The following APBB2 variants were observed in gnomAD, a reference collection of about 807,000 sequenced individuals.
APBB2 encodes the protein amyloid beta precursor protein binding family B member 2, also known as Fe65-like 1.
In APBB2, 38 loss-of-function variants were observed where a neutral mutation model predicts 82.5. That is an observed-to-expected ratio of 0.46 (90% CI 0.36 to 0.60). The LOEUF (loss-of-function observed/expected upper bound fraction) is 0.60. APBB2 is among the 20% of genes least tolerant of loss of function. The probability of loss-of-function intolerance (pLI) is 0.00; values close to 1 mark genes in which losing one functional copy is unlikely to be tolerated. For synonymous variants in APBB2, 341 were observed against 368.2 expected (o/e 0.93, Z 0.85); for missense variants, 772 against 972.3 (o/e 0.79, Z 2.74).
intron 6 of APBB2, among the ~76,000 whole-genome samples, chr4:40,971,262 G>A (rs1318124754): frequency 6.6e-6 from 1 of 152,128 alleles, no homozygotes; most frequent in African/African-American, 2.4e-5. Context: ...AACATACTGA[G>A]AAACAAACCA....
chr4:41,209,947 G>T (rs774929898), intron 1 of APBB2, among the ~76,000 whole-genome samples: 1 of 152,150 alleles, frequency 6.6e-6, no homozygotes, highest in African/African-American at 2.4e-5. Context: ...ATTTTTCCAC[G>T]GATGGGGTTG....
At chr4:40,849,725 CTTT>C (rs758207803) in intron 12 of APBB2, among the ~76,000 whole-genome samples, 5 of 123,230 alleles carry the variant, frequency 4.1e-5, no homozygotes, top group African/African-American at 3.1e-5. Context: ...ACTAAAGTTA[CTTT>C]TTTTTTTTTT....
intron 6 of APBB2, among the ~76,000 whole-genome samples, chr4:40,950,893 ATAAAT>A (rs1473100337): frequency 6.6e-6 from 1 of 152,210 alleles, no homozygotes; most frequent in Non-Finnish European, 1.5e-5. Context: ...AAGACAATGA[ATAAAT>A]TACAGCAGAA....
At chr4:40,871,946 T>C (rs1165549341) in intron 12 of APBB2, among the ~76,000 whole-genome samples, 1 of 152,172 alleles carries the variant, frequency 6.6e-6, no homozygotes, top group Non-Finnish European at 1.5e-5. Context: ...TCTAGTACAA[T>C]GAATATATGC....
intron 1 of APBB2, among the ~76,000 whole-genome samples, chr4:41,148,305 A>C (rs904095942): frequency 2.0e-5 from 3 of 152,212 alleles, no homozygotes; most frequent in African/African-American, 7.2e-5. Flanking sequence ...GGATGAAGAA[A>C]TTAACAGATT....
chr4:40,981,472 C>T (rs1280401451), intron 6 of APBB2, among the ~76,000 whole-genome samples: 2 of 152,162 alleles, frequency 1.3e-5, no homozygotes, highest in Non-Finnish European at 2.9e-5. Context: ...GAAAATGAAT[C>T]AGTGTTGTTA....
At chr4:40,873,341 T>A (rs541874371) in intron 12 of APBB2, among the ~76,000 whole-genome samples, 167 of 152,272 alleles carry the variant, frequency 1.1e-3, no homozygotes, top group African/African-American at 3.7e-3. Flanking sequence ...TTAAAAAAAA[T>A]TTTCCCTCTT....
chr4:40,893,970 T>C (rs930903733), intron 10 of APBB2, among the ~76,000 whole-genome samples: 1 of 145,152 alleles, frequency 6.9e-6, no homozygotes, highest in African/African-American at 2.6e-5. Context: ...CGAGACTCCA[T>C]CTCAACAACA....
At chr4:41,101,457 C>T (rs1448978085) in intron 2 of APBB2, among the ~76,000 whole-genome samples, 2 of 108,404 alleles carry the variant, frequency 1.8e-5, no homozygotes, top group Non-Finnish European at 3.4e-5. Flanking sequence ...GGCGACAGAG[C>T]GAGACTCCGT....
At chr4:40,943,977 A>G (rs1337692851) in intron 7 of APBB2, among the ~76,000 whole-genome samples, 3 of 152,246 alleles carry the variant, frequency 2.0e-5, no homozygotes, top group Admixed American at 6.5e-5. Flanking sequence ...GAAATAAGAC[A>G]TTGTCTACTT....
intron 16 of APBB2, among the ~76,000 whole-genome samples, chr4:40,822,679 T>C (rs1245733187): frequency 1.3e-5 from 2 of 152,240 alleles, no homozygotes; most frequent in Non-Finnish European, 2.9e-5. Context: ...AAGAACCATA[T>C]GCAAGTTTTG....
intron 5 of APBB2, among the ~76,000 whole-genome samples, chr4:41,019,437 G>A (rs1560539586): frequency 6.6e-6 from 1 of 152,136 alleles, no homozygotes; most frequent in Non-Finnish European, 1.5e-5. Flanking sequence ...TGTCACTACA[G>A]TGACACAAAA....
At chr4:41,101,729 G>T (rs1420886855) in intron 2 of APBB2, among the ~76,000 whole-genome samples, 1 of 151,994 alleles carries the variant, frequency 6.6e-6, no homozygotes, top group Admixed American at 6.5e-5. Context: ...GGAGGCCCAG[G>T]CGGGCGGATC....
At chr4:40,833,567 T>A (rs1577791749) in intron 12 of APBB2, among the ~76,000 whole-genome samples, 2 of 26,114 alleles carry the variant, frequency 7.7e-5, no homozygotes, top group Admixed American at 2.4e-4. Context: ...ATATCATACC[T>A]TTTTGTAGTT....
rs891287614 is a variant in APBB2 at position 40,812,865 on chromosome 4, T to C, written c.*3227A>G. 18 of 152,236 alleles carry C rather than the reference T, an allele frequency of 1.2e-4. No individual in the cohort carries two copies. 9.4% of individuals were successfully genotyped at this position (152,236 alleles called of 1,614,324 possible). On this transcript the variant is annotated 3_prime_UTR_variant, in exon 18 of 18. Transcript: ENST00000508593. ...GATGAACAAAAAACAATGGTCCTAA[T>C]TAGCTATGAGTGATCTTGTATCCAG...
intron 10 of APBB2, among the ~76,000 whole-genome samples, chr4:40,907,135 T>G (rs1010640462): frequency 1.3e-5 from 2 of 151,866 alleles, no homozygotes; most frequent in Non-Finnish European, 2.9e-5. Context: ...ATATTATTAT[T>G]GCCATTTCAC....
At chr4:40,925,185 C>T (rs1418610748) in intron 10 of APBB2, among the ~76,000 whole-genome samples, 1 of 152,194 alleles carries the variant, frequency 6.6e-6, no homozygotes, top group Non-Finnish European at 1.5e-5. Flanking sequence ...TGTTTCTTCT[C>T]CATTACTTGA....
At chr4:40,849,639 C>G (rs180879604) in intron 12 of APBB2, among the ~76,000 whole-genome samples, 318 of 152,250 alleles carry the variant, frequency 2.1e-3, no homozygotes, top group Non-Finnish European at 3.4e-3. Flanking sequence ...CCTCCCACCC[C>G]CTCAGAGGTA....
chr4:41,134,268 C>T (rs546526007), intron 2 of APBB2, among the ~76,000 whole-genome samples: 1 of 152,134 alleles, frequency 6.6e-6, no homozygotes, highest in African/African-American at 2.4e-5. Context: ...AGGTGTGAGC[C>T]ATCGTGCCCA....
Sources: allele counts gnomAD v4.1 joint callset (sites outside exome capture counted in the v4.1 genomes callset), GRCh38; gene constraint gnomAD v4.1.1; transcripts MANE v1.5; gene names NCBI Gene and HGNC (gene_info 2026-07-23, HGNC 2026-07-21).